The following ABI3BP variants were observed in gnomAD, a reference collection of about 807,000 sequenced individuals.
ABI3BP encodes target of Nesh-SH3.
Under a neutral mutation model 268.6 loss-of-function variants are expected in ABI3BP, and 216 were observed. The ratio of observed to expected loss-of-function variants is 0.80; its 90% CI spans 0.72 to 0.90. The LOEUF (loss-of-function observed/expected upper bound fraction) is 0.90. Ranked by LOEUF, ABI3BP falls within the 40% of genes least tolerant of loss-of-function variation. ABI3BP has a pLI of 0.00. For synonymous variants in ABI3BP, 730 were observed against 730.0 expected (o/e 1.00, Z 0.00); for missense variants, 2,090 against 2,182.4 (o/e 0.96, Z 0.84).
intron 1 of ABI3BP, among the ~76,000 whole-genome samples, chr3:100,986,305 C>T (rs897988234): frequency 6.6e-6 from 1 of 152,192 alleles, no homozygotes; most frequent in Admixed American, 6.5e-5. Flanking sequence ...GATCAGACCT[C>T]ACCTCTGGCC....
chr3:100,764,182 C>T (rs2096139028), intron 63 of ABI3BP, among the ~76,000 whole-genome samples: 1 of 152,216 alleles, frequency 6.6e-6, no homozygotes, highest in African/African-American at 2.4e-5. Flanking sequence ...AGCTCCTTCC[C>T]ACTCATACTT....
intron 32 of ABI3BP, among the ~76,000 whole-genome samples, chr3:100,830,136 T>TATATAC (rs1560540391): frequency 1.7e-5 from 1 of 59,296 alleles, no homozygotes. Context: ...TATATATATA[T>TATATAC]ATATATATAT....
intron 54 of ABI3BP, among the ~76,000 whole-genome samples, chr3:100,794,158 A>G (rs1172348590): frequency 6.6e-6 from 1 of 151,940 alleles, no homozygotes; most frequent in Non-Finnish European, 1.5e-5. Flanking sequence ...TTATTTCTCC[A>G]GGTAGTTTGT....
intron 4 of ABI3BP, among the ~76,000 whole-genome samples, chr3:100,896,011 T>A (rs144379493): frequency 1.3e-5 from 2 of 152,342 alleles, no homozygotes; most frequent in African/African-American, 4.8e-5. Context: ...AATTTACTAG[T>A]ACTCCAAATA....
intron 1 of ABI3BP, among the ~76,000 whole-genome samples, chr3:100,954,975 CTTTTTT>C (rs71299382): frequency 3.7e-4 from 35 of 94,768 alleles, no homozygotes; most frequent in African/African-American, 9.8e-4. Context: ...TAAATTTTGT[CTTTTTT>C]TTTTTTTTTT....
In ABI3BP at chr3:100,847,605, G is replaced by C. The variant is rs753718134; in HGVS notation, c.1645C>G (p.Pro549Ala). The part of the protein sequence containing the change: ...SKSPEPTWTT[P>A]APGKTQFISL... ...ACTAAGGACATATCATTATTACCCGGTGTTGTCCATGTAGGTTCAGGGCTT... is the reference window on the plus strand; with the variant it reads ...ACTAAGGACATATCATTATTACCCGCTGTTGTCCATGTAGGTTCAGGGCTT... Residue 549 changes from proline to alanine, a missense_variant, in exon 19 of 68, where the codon CCG becomes GCG. Transcript: ENST00000471714. 2 of 1,609,952 alleles carry C rather than the reference G, an allele frequency of 1.2e-6. No individual in the cohort carries two copies. The highest frequency in any genetic ancestry group is 2.2e-5 in the South Asian group (2 of 91,018).
rs753737372 is a variant in ABI3BP, at chr3:100,780,143, G to A, written c.4229C>T (p.Thr1410Ile). The A allele has an allele frequency of 1.9e-6, 3 of 1,612,724 alleles. No homozygotes were observed. The highest frequency in any genetic ancestry group is 2.7e-5 in the African/African-American group (2 of 74,836). Reference sequence around the variant, plus strand: ...ATGTTATTACTTACCTGGCTTTTTAGTGGGGTGGGTAGAGTCCACTGATAC... The same window carrying A: ...ATGTTATTACTTACCTGGCTTTTTAATGGGGTGGGTAGAGTCCACTGATAC... ...RNVSVDSTHP[T>I]KKPGTRRPPL... Residue 1410 changes from threonine to isoleucine, a missense_variant, in exon 58 of 68, where the codon ACT becomes ATT. Transcript: ENST00000471714.
At chr3:100,922,060 A>G (rs1187013738) in intron 2 of ABI3BP, among the ~76,000 whole-genome samples, 1 of 152,234 alleles carries the variant, frequency 6.6e-6, no homozygotes, top group East Asian at 1.9e-4. Context: ...CCACTACCTT[A>G]TTACAAAAGA....
intron 4 of ABI3BP, among the ~76,000 whole-genome samples, chr3:100,888,491 T>C (rs1020222473): frequency 1.3e-5 from 2 of 151,956 alleles, no homozygotes; most frequent in African/African-American, 4.8e-5. Flanking sequence ...GATGCAGGAG[T>C]CCTGTTGCTA....
In ABI3BP at chr3:100,788,779, G is replaced by A. The variant is rs141399327; in HGVS notation, c.4087+675C>T. 1.1e-3 allele frequency among the ~76,000 whole-genome samples: 168 copies of A among 151,814 alleles called. 1 individual carries two copies. Among genetic ancestry groups the A allele is most frequent in the African/African-American group, 3.8e-3 (157 of 41,430 alleles). On this transcript the variant is annotated intron_variant, in intron 56 of 67. Coordinates refer to ENST00000471714, the MANE Select transcript of ABI3BP (RefSeq NM_001375547.2). The stretch of plus-strand genomic sequence containing the variant: ...ATGCATTCCCCGAGAACATTCATTC[G>A]TAGCAGGTTTCATCATTTGGAACTT...
chr3:100,846,536 T>A, intron 19 of ABI3BP, 90 bp from the exon 20 acceptor site: 1 of 887,196 alleles, frequency 1.1e-6, no homozygotes, highest in Non-Finnish European at 1.7e-6. Context: ...AGAAATAAAC[T>A]ATACATTAAA....
intron 1 of ABI3BP, among the ~76,000 whole-genome samples, chr3:100,936,568 T>C (rs2066244489): frequency 6.6e-6 from 1 of 152,164 alleles, no homozygotes; most frequent in South Asian, 2.1e-4. Context: ...CTCCTCTTTG[T>C]ACCTCTGGTA....
At chr3:100,911,689 C>T in intron 2 of ABI3BP, 1 of 756,896 alleles carries the variant, frequency 1.3e-6, no homozygotes, top group Admixed American at 1.8e-5. Context: ...TCCAGATTGG[C>T]AACCACTAAA....
intron 51 of ABI3BP, among the ~76,000 whole-genome samples, chr3:100,799,454 A>T (rs750757345): frequency 2.0e-5 from 3 of 152,124 alleles, no homozygotes; most frequent in Non-Finnish European, 4.4e-5. Context: ...GTTTCTAATC[A>T]ATGGTATATG....
intron 6 of ABI3BP, among the ~76,000 whole-genome samples, chr3:100,876,939 G>A (rs112121959): frequency 2.6e-5 from 4 of 152,226 alleles, no homozygotes; most frequent in African/African-American, 9.6e-5. Context: ...AGTAAGCCGA[G>A]ATCATGCCAT....
At chr3:100,989,436 T>C (rs1655170006) in intron 1 of ABI3BP, among the ~76,000 whole-genome samples, 1 of 152,234 alleles carries the variant, frequency 6.6e-6, no homozygotes, top group South Asian at 2.1e-4. Flanking sequence ...TTAATAGCTA[T>C]GGCAGTTACT....
At chr3:100,826,719 C>G (rs908614883) in intron 34 of ABI3BP, among the ~76,000 whole-genome samples, 2 of 152,168 alleles carry the variant, frequency 1.3e-5, no homozygotes, top group Non-Finnish European at 2.9e-5. Context: ...CTTTTCACTT[C>G]TGTCCAAACA....
At chr3:100,871,123 A>G (rs2099105255) in intron 9 of ABI3BP, among the ~76,000 whole-genome samples, 1 of 152,160 alleles carries the variant, frequency 6.6e-6, no homozygotes, top group Non-Finnish European at 1.5e-5. Flanking sequence ...AACAAGAACT[A>G]TAATTATAAT....
chr3:100,974,076 C>G (rs2084943011), intron 1 of ABI3BP, among the ~76,000 whole-genome samples: 1 of 151,868 alleles, frequency 6.6e-6, no homozygotes, highest in Non-Finnish European at 1.5e-5. Flanking sequence ...CTATTAGCAG[C>G]TAAAAATAAA....
Sources: allele counts gnomAD v4.1 joint callset (sites outside exome capture counted in the v4.1 genomes callset), GRCh38; gene constraint gnomAD v4.1.1; transcripts MANE v1.5; gene names NCBI Gene and HGNC (gene_info 2026-07-23, HGNC 2026-07-21).